SCAI: variants seen among roughly 807,000 people sequenced by gnomAD.
SCAI encodes protein SCAI.
SCAI carries 24 observed loss-of-function variants against 92.2 expected under a neutral mutation model. The ratio of observed to expected loss-of-function variants is 0.26; its 90% CI spans 0.19 to 0.37. The LOEUF is 0.37. SCAI is among the 10% of genes least tolerant of loss of function. SCAI has a pLI of 1.00. For missense variants in SCAI, 450 were observed against 736.2 expected (o/e 0.61, Z 4.50); for synonymous variants, 261 against 258.6 (o/e 1.01, Z -0.09).
At chr9:125,054,419 T>A (rs375221456) in intron 3 of SCAI, among the ~76,000 whole-genome samples, 6 of 152,152 alleles carry the variant, frequency 3.9e-5, no homozygotes, top group African/African-American at 1.4e-4. Flanking sequence ...AATTTCCTCA[T>A]AGAGTAATTG....
At chr9:125,025,562 G>A (rs1051681053) in intron 6 of SCAI, among the ~76,000 whole-genome samples, 3 of 152,144 alleles carry the variant, frequency 2.0e-5, no homozygotes, top group Non-Finnish European at 2.9e-5. Flanking sequence ...ATCTCGCCAA[G>A]AATTTTTTTA....
At chr9:125,080,369 G>A (rs1021722834) in intron 2 of SCAI, among the ~76,000 whole-genome samples, 1 of 152,108 alleles carries the variant, frequency 6.6e-6, no homozygotes, top group African/African-American at 2.4e-5. Context: ...TTGTGAAATA[G>A]GGTTGTCTGA....
intron 2 of SCAI, among the ~76,000 whole-genome samples, chr9:125,126,433 G>C (rs1303020386): frequency 6.6e-6 from 1 of 151,840 alleles, no homozygotes; most frequent in Admixed American, 6.6e-5. Context: ...GAGAGAGAGA[G>C]AGAACACACA....
At chr9:125,079,676 T>C (rs1834170525) in intron 2 of SCAI, among the ~76,000 whole-genome samples, 1 of 152,004 alleles carries the variant, frequency 6.6e-6, no homozygotes, top group Non-Finnish European at 1.5e-5. Context: ...GTTGACACAA[T>C]GACAGTTATA....
At chr9:125,099,721 C>A (rs114376338) in intron 2 of SCAI, among the ~76,000 whole-genome samples, 68 of 152,296 alleles carry the variant, frequency 4.5e-4, no homozygotes, top group African/African-American at 1.5e-3. Context: ...CTGTCAGTAA[C>A]AGGTGTTAAA....
intron 2 of SCAI, among the ~76,000 whole-genome samples, chr9:125,096,369 A>C (rs759901598): frequency 6.6e-6 from 1 of 152,084 alleles, no homozygotes; most frequent in Non-Finnish European, 1.5e-5. Context: ...CCACAACACA[A>C]AGGAATTCAA....
intron 2 of SCAI, among the ~76,000 whole-genome samples, chr9:125,140,992 TATCTC>T (rs1196514860): frequency 5.9e-5 from 9 of 152,220 alleles, no homozygotes; most frequent in East Asian, 1.9e-4. Flanking sequence ...ATTTTATACT[TATCTC>T]ATTTCAGACC....
intron 7 of SCAI, 33 bp downstream of exon 7, chr9:125,020,640 G>C (rs1832853490): frequency 1.1e-6 from 1 of 937,944 alleles, no homozygotes. Flanking sequence ...TACAACTAGA[G>C]ATTAGAATTT....
intron 2 of SCAI, among the ~76,000 whole-genome samples, chr9:125,118,235 CTTCTGTAATCCCAACA>C (rs1229030842): frequency 2.0e-5 from 3 of 152,168 alleles, no homozygotes; most frequent in Non-Finnish European, 4.4e-5. Flanking sequence ...TGGTGGCTCA[CTTCTGTAATCCCAACA>C]TTCTGTAATC....
intron 14 of SCAI, among the ~76,000 whole-genome samples, chr9:124,992,025 C>T (rs1175671314): frequency 6.6e-6 from 1 of 152,138 alleles, no homozygotes; most frequent in East Asian, 1.9e-4. Flanking sequence ...AAGAGATCCT[C>T]CTGCCTCAGC....
intron 9 of SCAI, among the ~76,000 whole-genome samples, chr9:125,007,869 G>A (rs1161573369): frequency 3.9e-4 from 59 of 150,628 alleles, no homozygotes; most frequent in African/African-American, 1.3e-3. Context: ...TTTTTGAGAC[G>A]GAGTCTCGCT....
At chr9:125,029,171 A>G (rs1316877634) in intron 4 of SCAI, among the ~76,000 whole-genome samples, 1 of 151,820 alleles carries the variant, frequency 6.6e-6, no homozygotes, top group African/African-American at 2.4e-5. Context: ...CCAAGCTGGA[A>G]TGCAGTGATG....
At chr9:125,007,119 A>C (rs1220038215) in intron 9 of SCAI, among the ~76,000 whole-genome samples, 3 of 152,154 alleles carry the variant, frequency 2.0e-5, no homozygotes, top group African/African-American at 7.2e-5. Flanking sequence ...ACTGTCTCAA[A>C]ACAAAAAGAA....
rs1267644872 is a variant in SCAI, at chr9:124,944,951, T to C, written c.*7856A>G. On this transcript the variant is annotated 3_prime_UTR_variant, in exon 18 of 18. Transcript: ENST00000336505. The stretch of plus-strand genomic sequence containing the variant: ...TATAAGAAGGCTAGCCATAATTCCC[T>C]ATTTCATTCTGAAAGTGATATCCTA... The C allele has an allele frequency of 6.6e-6, 1 of 152,204 alleles. No homozygotes were observed. Among genetic ancestry groups the C allele is most frequent in the Non-Finnish European group, 1.5e-5 (1 of 68,036 alleles). The allele number at this position is 152,204 out of a possible 1,614,324, so 9.4% of individuals were successfully genotyped here.
intron 2 of SCAI, among the ~76,000 whole-genome samples, chr9:125,070,963 C>T (rs1195825631): frequency 7.9e-5 from 12 of 152,090 alleles, no homozygotes; most frequent in African/African-American, 2.7e-4. Context: ...GGGCGGTTTC[C>T]CCCATACTGT....
chr9:125,001,129 T>C (rs575995816), intron 12 of SCAI, among the ~76,000 whole-genome samples: 10 of 152,310 alleles, frequency 6.6e-5, no homozygotes, highest in African/African-American at 2.4e-4. Flanking sequence ...TTGTATTATA[T>C]TTCACTTCTT....
chr9:125,076,072 T>G (rs960490685), intron 2 of SCAI, among the ~76,000 whole-genome samples: 1 of 152,120 alleles, frequency 6.6e-6, no homozygotes, highest in African/African-American at 2.4e-5. Context: ...GTATGTAGTA[T>G]AAATACAAAC....
rs1260943157 is a variant in SCAI at position 125,007,248 on chromosome 9, G to C, written c.862-3678C>G. The stretch of plus-strand genomic sequence containing the variant: ...AAAGTGAGAAACAAGCAATAGAACA[G>C]ACCAACACACTTGTAGTTAGCATAA... On this transcript the variant is annotated intron_variant, in intron 9 of 17. Coordinates refer to ENST00000336505, the MANE Select transcript of SCAI (RefSeq NM_001144877.3). 2.0e-5 allele frequency among the ~76,000 whole-genome samples: 3 copies of C among 152,146 alleles called. No individual in the cohort carries two copies. The South Asian group carries it at 6.2e-4, about 32-fold the overall frequency.
chr9:124,991,266 T>C (rs1975466), intron 14 of SCAI, among the ~76,000 whole-genome samples: 92,866 of 146,670 alleles, frequency 0.63, 29,505 homozygotes, highest in African/African-American at 0.67. Context: ...GCAGGAGAAT[T>C]GCTTGAACCC....
Sources: gnomAD v4.1 joint callset for allele counts (sites outside exome capture counted in the v4.1 genomes callset) on GRCh38, gnomAD v4.1.1 for gene constraint, MANE v1.5 for transcripts, NCBI Gene and HGNC (gene_info 2026-07-23, HGNC 2026-07-21) for gene names.